The following MIA3 variants were observed in gnomAD, a reference collection of about 807,000 sequenced individuals.
The protein encoded by MIA3 is MIA SH3 domain ER export factor 3, also known as transport and Golgi organization protein 1 homolog.
A neutral mutation model predicts 192.4 loss-of-function variants in MIA3; 90 were observed. The observed-to-expected ratio is 0.47, with a 90% CI of 0.39 to 0.56. The LOEUF is 0.56. Among genes scored for constraint, MIA3 ranks in the 20% least tolerant of loss-of-function variants. The probability of loss-of-function intolerance (pLI) is 0.00; values close to 1 mark genes in which losing one functional copy is unlikely to be tolerated. For synonymous variants in MIA3, 740 were observed against 792.8 expected (o/e 0.93, Z 1.12); for missense variants, 2,123 against 2,269.4 (o/e 0.94, Z 1.31).
chr1:222,623,761 A>C (rs1380411351), intron 2 of MIA3, among the ~76,000 whole-genome samples: 1 of 152,034 alleles, frequency 6.6e-6, no homozygotes, highest in Non-Finnish European at 1.5e-5. Flanking sequence ...TGATTGGGAG[A>C]TCTACCTCTC....
At position 222,667,142 on chromosome 1, in the gene MIA3, AAGAT is replaced by A. The variant is rs897623052; in HGVS notation, c.*1530_*1533del. On this transcript the variant is annotated 3_prime_UTR_variant, in exon 28 of 28. Coordinates refer to ENST00000344922, the MANE Select transcript of MIA3 (RefSeq NM_198551.4). Reference sequence around the variant, plus strand: ...TTTCTCTCTTTATACTAAACAACTGAAGATAGATAGTTTAGAAAGATAAGGACCT... The same window carrying A: ...TTTCTCTCTTTATACTAAACAACTGAAGATAGTTTAGAAAGATAAGGACCT... 92 of 152,340 alleles carry A rather than the reference AAGAT, an allele frequency of 6.0e-4. No individual in the cohort carries two copies. The highest frequency in any genetic ancestry group is 2.0e-3 in the African/African-American group (82 of 41,582). The allele number at this position is 152,340 out of a possible 1,614,324, so 9.4% of individuals were successfully genotyped here. A position where few individuals can be genotyped will look rare whatever the true frequency, so the allele number is the denominator to read the frequency against.
At position 222,628,546 on chromosome 1, in the gene MIA3, T is replaced by A. The variant is rs1361859755; in HGVS notation, c.1326T>A (p.Asp442Glu). The change falls in exon 4 of 28, where the codon GAT (aspartate) becomes GAA (glutamate). Residue 442 changes from aspartate (D) to glutamate (E), a missense_variant. Asp to Glu is a conservative substitution (Grantham distance 45). Transcript: ENST00000344922. ...TDYSDPDNVDDGLFIVDIPKT... is the reference protein window; with the variant it reads ...TDYSDPDNVDEGLFIVDIPKT... ...ATAGTGACCCTGACAATGTAGATGA[T>A]GGTCTTTTTATTGTAGACATTCCTA... 1 of 1,614,110 alleles carries A rather than the reference T, an allele frequency of 6.2e-7. No individual in the cohort carries two copies. Among genetic ancestry groups the A allele is most frequent in the East Asian group, 2.2e-5 (1 of 44,894 alleles).
rs1384734590 is a variant in MIA3, at chr1:222,630,398, C to A, written c.3169+9C>A. 3.2e-6 allele frequency: 5 copies of A among 1,583,820 alleles called. No homozygotes were observed. Among genetic ancestry groups the A allele is most frequent in the Non-Finnish European group, 4.3e-6 (5 of 1,166,638 alleles). On this transcript the variant is annotated intron_variant, in intron 4 of 27. Coordinates refer to ENST00000344922, the MANE Select transcript of MIA3 (RefSeq NM_198551.4). ...GGGTGGAGCAATGGAAGGTGAGATG[C>A]CTATGGCCTTGTAGAACAGGGCTGG...
At chr1:222,664,265 A>G in intron 27 of MIA3, 117 bp downstream of exon 27, 1 of 1,091,452 alleles carries the variant, frequency 9.2e-7, no homozygotes, top group South Asian at 1.4e-5. Context: ...AAGCTGATTG[A>G]GTACACCGTA....
chr1:222,628,288 G>A lies in MIA3; in HGVS notation c.1068G>A (p.Gln356=). 1 of 1,613,932 alleles carries A rather than the reference G, an allele frequency of 6.2e-7. No individual in the cohort carries two copies. The highest frequency in any genetic ancestry group is 8.5e-7 in the Non-Finnish European group (1 of 1,179,984). ...AGAAATATCCAACAGATAAAGAGCA[G>A]AATTCAAATGAAGAGGACAAGGTTC... is the stretch of plus-strand genomic sequence containing the variant. ...GVEKYPTDKE[Q]NSNEEDKVQL... is the part of the protein sequence containing the mutation. The change falls in exon 4 of 28, where the codon CAG becomes CAA. Residue 356 remains glutamine (Q), a synonymous_variant. Coordinates refer to ENST00000344922, the MANE Select transcript of MIA3 (RefSeq NM_198551.4).
At chr1:222,648,965 C>G in intron 8 of MIA3, 115 bp downstream of exon 8, 1 of 693,212 alleles carries the variant, frequency 1.4e-6, no homozygotes, top group Non-Finnish European at 2.4e-6. Flanking sequence ...CTTATAGCTT[C>G]TGAAAACTTT....
intron 1 of MIA3, among the ~76,000 whole-genome samples, chr1:222,620,315 T>C (rs915902646): frequency 7.2e-5 from 11 of 152,244 alleles, no homozygotes; most frequent in Middle Eastern, 3.2e-3. Context: ...ATAAAAGTAC[T>C]GCTTCAGCCA....
intron 11 of MIA3, among the ~76,000 whole-genome samples, chr1:222,651,491 T>G (rs1158496619): frequency 6.6e-6 from 1 of 152,100 alleles, no homozygotes; most frequent in Non-Finnish European, 1.5e-5. Context: ...GCCAGAATCT[T>G]CATAAATTAT....
chr1:222,634,716 C>T (rs1662555368), intron 6 of MIA3, among the ~76,000 whole-genome samples: 1 of 152,186 alleles, frequency 6.6e-6, no homozygotes, highest in South Asian at 2.1e-4. Context: ...GTATGCTTCT[C>T]ACCAAAGCCA....
chr1:222,629,498 G>A lies in MIA3; in HGVS notation c.2278G>A (p.Val760Ile). 1 of 1,614,074 alleles carries A rather than the reference G, an allele frequency of 6.2e-7. No homozygotes were observed. The part of the protein sequence containing the change: ...QGRQFDVNLQ[V>I]PDRAVLGTIH... ...CAGGCAGTTTGATGTTAATCTGCAA[G>A]TCCCTGACAGAGCAGTTTTAGGGAC... is the stretch of plus-strand genomic sequence containing the variant. Residue 760 changes from valine (V) to isoleucine (I), a missense_variant, in exon 4 of 28, where the codon GTC (valine) becomes ATC (isoleucine). By Grantham distance (29) the Val-to-Ile change is conservative (BLOSUM62 3). This residue lies in a region of MIA3 where 1,357 missense variants were observed against 1,396.1 expected (regional missense o/e 0.97). Coordinates refer to ENST00000344922, the MANE Select transcript of MIA3 (RefSeq NM_198551.4).
intron 18 of MIA3, among the ~76,000 whole-genome samples, chr1:222,656,119 G>A (rs1398135158): frequency 2.6e-5 from 4 of 151,510 alleles, no homozygotes; most frequent in African/African-American, 7.3e-5. Context: ...ACAGGCGCCC[G>A]CCACCATGCC....
rs1663587192 is a variant in MIA3 at position 222,654,274 on chromosome 1, T to G, written c.4353T>G (p.Ile1451Met). Reference protein sequence around the residue: ...GDRNEKMKNQIKQMMDVSRTQ... With the variant: ...GDRNEKMKNQMKQMMDVSRTQ... ...GGAATGAGAAGATGAAAAATCAAAT[T>G]AAGCAGATGATGGATGTCTCTCGGG... The change falls in exon 16 of 28, where the codon ATT (isoleucine) becomes ATG (methionine). Residue 1451 changes from isoleucine (I) to methionine (M), a missense_variant. Coordinates refer to ENST00000344922, the MANE Select transcript of MIA3 (RefSeq NM_198551.4). 1 of 1,613,942 alleles carries G rather than the reference T, an allele frequency of 6.2e-7. No individual in the cohort carries two copies. Among genetic ancestry groups the G allele is most frequent in the South Asian group, 1.1e-5 (1 of 91,056 alleles).
At position 222,664,053 on chromosome 1, in the gene MIA3, C is replaced by A. The variant is rs994980275; in HGVS notation, c.5318C>A (p.Thr1773Asn). 3 of 1,613,604 alleles carry A rather than the reference C, an allele frequency of 1.9e-6. No individual in the cohort carries two copies. The African/African-American group carries it at 4.0e-5, about 22-fold the overall frequency. ...PPFPGVPLMS[T>N]PMGGPVPPPI... is the part of the protein sequence containing the mutation. The stretch of plus-strand genomic sequence containing the variant: ...TTCCCAGGAGTCCCTCTCATGAGCA[C>A]CCCCATGGGAGGCCCTGTACCACCA... The change falls in exon 27 of 28, where the codon ACC (threonine) becomes AAC (asparagine). Residue 1773 changes from threonine to asparagine, a missense_variant. This residue lies in a region of MIA3 where 762 missense variants were observed against 856.4 expected (regional missense o/e 0.89). Coordinates refer to ENST00000344922, the MANE Select transcript of MIA3 (RefSeq NM_198551.4).
rs751969825 is a variant in MIA3, at chr1:222,630,201, T to C, written c.2981T>C (p.Leu994Pro). The stretch of plus-strand genomic sequence containing the variant: ...ATTCTGAGCATAGCAGAAAAAATGC[T>C]TGATACTCGTGTGGCTGAAAATAGA... ...SQILSIAEKMLDTRVAENRDL... is the reference protein window; with the variant it reads ...SQILSIAEKMPDTRVAENRDL... Residue 994 changes from leucine to proline, a missense_variant, in exon 4 of 28, where the codon CTT (leucine) becomes CCT (proline). Coordinates refer to ENST00000344922, the MANE Select transcript of MIA3 (RefSeq NM_198551.4). 1 of 1,614,234 alleles carries C rather than the reference T, an allele frequency of 6.2e-7. No individual in the cohort carries two copies. Among genetic ancestry groups the C allele is most frequent in the East Asian group, 2.2e-5 (1 of 44,888 alleles).
In MIA3 at chr1:222,658,747, C is replaced by A; in HGVS notation, c.4633C>A (p.Arg1545=). The change falls in exon 19 of 28, where the codon CGG becomes AGG. Residue 1545 remains arginine, a synonymous_variant. Transcript: ENST00000344922. ...QKKLSQEEYE[R]QEREHRLSAA... ...GAAACTGAGTCAAGAAGAGTATGAACGGCAAGAAAGAGAGCACAGGCTGTC... is the reference window on the plus strand; with the variant it reads ...GAAACTGAGTCAAGAAGAGTATGAAAGGCAAGAAAGAGAGCACAGGCTGTC... 1 of 1,611,582 alleles carries A rather than the reference C, an allele frequency of 6.2e-7. No homozygotes were observed. Among genetic ancestry groups the A allele is most frequent in the Non-Finnish European group, 8.5e-7 (1 of 1,178,982 alleles).
chr1:222,628,835 A>G lies in MIA3; in HGVS notation c.1615A>G (p.Met539Val), dbSNP rs1420505865. Reference protein sequence around the residue: ...KGAAIHISKGMLHEEKPGEQI... With the variant: ...KGAAIHISKGVLHEEKPGEQI... ...AGCAGCTATTCATATCTCAAAAGGAATGCTCCACGAAGAAAAGCCTGGAGA... is the reference window on the plus strand; with the variant it reads ...AGCAGCTATTCATATCTCAAAAGGAGTGCTCCACGAAGAAAAGCCTGGAGA... Residue 539 changes from methionine to valine, a missense_variant, in exon 4 of 28, where the codon ATG (methionine) becomes GTG (valine). This residue lies in a region of MIA3 where 1,357 missense variants were observed against 1,396.1 expected (regional missense o/e 0.97). Transcript: ENST00000344922. 1.2e-6 allele frequency: 2 copies of G among 1,614,180 alleles called. No individual in the cohort carries two copies. Among genetic ancestry groups the G allele is most frequent in the East Asian group, 2.2e-5 (1 of 44,886 alleles).
Position 222,664,089 on chromosome 1 carries a change from A to G in MIA3, c.5354A>G (p.Tyr1785Cys), listed in dbSNP as rs1336255468. ...MGGPVPPPIR[Y>C]GPPPQLCGPF... The stretch of plus-strand genomic sequence containing the variant: ...GGCCCTGTACCACCACCCATTCGAT[A>G]TGGACCACCACCTCAGCTCTGCGGA... Residue 1785 changes from tyrosine to cysteine, a missense_variant, in exon 27 of 28, where the codon TAT (tyrosine) becomes TGT (cysteine). Transcript: ENST00000344922. The G allele has an allele frequency of 6.2e-7, 1 of 1,614,150 alleles. No individual in the cohort carries two copies. The highest frequency in any genetic ancestry group is 8.5e-7 in the Non-Finnish European group (1 of 1,180,020).
chr1:222,659,498 G>T lies in MIA3; in HGVS notation c.4755G>T (p.Arg1585=). Residue 1585 remains arginine (R), a synonymous_variant, in exon 20 of 28, where the codon CGG becomes CGT. Coordinates refer to ENST00000344922, the MANE Select transcript of MIA3 (RefSeq NM_198551.4). The stretch of plus-strand genomic sequence containing the variant: ...AGGATGAATTACAGAAGACAGAGCG[G>T]TCATTTAAAAACCAGGTAATAATTC... The part of the protein sequence containing the change: ...EMEDELQKTE[R]SFKNQIATHE... 1 of 1,613,918 alleles carries T rather than the reference G, an allele frequency of 6.2e-7. No homozygotes were observed. The highest frequency in any genetic ancestry group is 8.5e-7 in the Non-Finnish European group (1 of 1,179,854).
chr1:222,656,396 CTT>C (rs1663732226), intron 18 of MIA3, among the ~76,000 whole-genome samples: 2 of 152,178 alleles, frequency 1.3e-5, no homozygotes, highest in South Asian at 2.1e-4. Context: ...AGTATCAGCA[CTT>C]TAAAGATAAC....
Sources: allele counts gnomAD v4.1 joint callset (sites outside exome capture counted in the v4.1 genomes callset), GRCh38; gene constraint gnomAD v4.1.1; regional missense constraint gnomAD v4.1.1; transcripts MANE v1.5; gene names NCBI Gene and HGNC (gene_info 2026-07-23, HGNC 2026-07-21).